BRDT: variants seen among roughly 807,000 people sequenced by gnomAD.
The protein encoded by BRDT is bromodomain testis associated.
In BRDT, 77 loss-of-function variants were observed where a neutral mutation model predicts 113.9. The ratio of observed to expected loss-of-function variants is 0.68; its 90% confidence interval spans 0.56 to 0.82. The LOEUF (loss-of-function observed/expected upper bound fraction) is 0.82, where lower values mean the gene tolerates loss of function less well. Ranked by LOEUF, BRDT falls within the 40% of genes least tolerant of loss-of-function variation. BRDT has a pLI of 0.00. For synonymous variants in BRDT, 358 were observed against 366.5 expected, an observed-to-expected ratio of 0.98 and a Z score of 0.26; for missense variants, 1,027 against 1,105.4, an observed-to-expected ratio of 0.93 and a Z score of 1.01.
chr1:91,997,453 A>G (rs1686450116), intron 15 of BRDT, among the ~76,000 whole-genome samples: 1 of 152,210 alleles, frequency 6.6e-6, no homozygotes, highest in Non-Finnish European at 1.5e-5. Flanking sequence ...TTGAAGGCTC[A>G]TTATAAAGAG....
Position 92,014,316 on chromosome 1 carries a change from A to G in BRDT, c.*42A>G, listed in dbSNP as rs749292759. Reference sequence around the variant, plus strand: ...TAACCATCAACTTAAAATGAATGGTAAAAGATCAAAATGCATATGGTAAAA... The same window carrying G: ...TAACCATCAACTTAAAATGAATGGTGAAAGATCAAAATGCATATGGTAAAA... On this transcript the variant is annotated 3_prime_UTR_variant, in exon 19 of 19. Transcript: ENST00000399546. The G allele has an allele frequency of 1.5e-6, 2 of 1,346,578 alleles. No homozygotes were observed. The highest frequency in any genetic ancestry group is 2.1e-6 in the Non-Finnish European group (2 of 967,236). The allele number at this position is 1,346,578 out of a possible 1,614,324, so 83.4% of individuals were successfully genotyped here.
chr1:91,997,428 GA>G (rs1686447793), intron 15 of BRDT, among the ~76,000 whole-genome samples: 2 of 152,208 alleles, frequency 1.3e-5, no homozygotes, highest in South Asian at 4.1e-4. Context: ...TTTTTAATTG[GA>G]GGGATTTGAA....
intron 1 of BRDT, among the ~76,000 whole-genome samples, chr1:91,961,945 CAGG>C (rs1307138812): frequency 2.6e-5 from 4 of 151,862 alleles, no homozygotes; most frequent in Middle Eastern, 3.4e-3. Context: ...ATCACGAGGT[CAGG>C]AGATCTAGAC....
At chr1:91,982,665 A>G (rs1684828621) in intron 12 of BRDT, among the ~76,000 whole-genome samples, 1 of 152,192 alleles carries the variant, frequency 6.6e-6, no homozygotes, top group Non-Finnish European at 1.5e-5. Context: ...TGGTCTGCTG[A>G]CTTGCAATAC....
At chr1:91,967,793 A>G (rs1028431591) in intron 3 of BRDT, among the ~76,000 whole-genome samples, 6 of 152,234 alleles carry the variant, frequency 3.9e-5, no homozygotes, top group Non-Finnish European at 8.8e-5. Flanking sequence ...CCAGCCTCCA[A>G]AAGTGCTGGG....
At chr1:91,966,013 T>C (rs560039183) in intron 3 of BRDT, among the ~76,000 whole-genome samples, 12 of 152,238 alleles carry the variant, frequency 7.9e-5, no homozygotes, top group African/African-American at 2.6e-4. Flanking sequence ...ATGATATATG[T>C]AGAAATTTTA....
intron 13 of BRDT, among the ~76,000 whole-genome samples, chr1:91,991,740 C>T: frequency 6.6e-6 from 1 of 152,104 alleles, no homozygotes; most frequent in East Asian, 1.9e-4. Context: ...CGCCTGTAAT[C>T]CCAGCACTTT....
chr1:92,000,472 G>A (rs529092552), intron 15 of BRDT, among the ~76,000 whole-genome samples: 1 of 152,304 alleles, frequency 6.6e-6, no homozygotes, highest in East Asian at 1.9e-4. Context: ...TTCTTTGACA[G>A]TGTTTTGTCT....
intron 18 of BRDT, among the ~76,000 whole-genome samples, chr1:92,011,464 T>C (rs1465836102): frequency 6.6e-6 from 1 of 152,210 alleles, no homozygotes; most frequent in Non-Finnish European, 1.5e-5. Context: ...TCGTTAGTAG[T>C]TGACCTAAAG....
rs528200250 is a variant in BRDT, at chr1:92,007,037, C to T, written c.2775+1738C>T. ...CTCCTGAGCTCAGGCAATCCACCCA[C>T]CTTGGCCTCCCAAAGTGTTAGGATG... is the stretch of plus-strand genomic sequence containing the variant. On this transcript the variant is annotated intron_variant, in intron 18 of 18. Coordinates refer to ENST00000399546, the MANE Select transcript of BRDT (RefSeq NM_207189.4). Among the ~76,000 whole-genome samples the T allele has an allele frequency of 4.6e-5, 7 of 152,306 alleles. No individual in the cohort carries two copies. In the South Asian group the frequency reaches 1.4e-3, roughly 32 times the overall value.
chr1:91,963,035 CAT>C (rs1312271808), intron 2 of BRDT, 89 bp downstream of exon 2: 5 of 1,130,158 alleles, frequency 4.4e-6, no homozygotes, highest in African/African-American at 1.6e-5. Flanking sequence ...TATTATAAAA[CAT>C]ATTTGGCCAG....
At chr1:92,011,868 T>C (rs1687826622) in intron 18 of BRDT, among the ~76,000 whole-genome samples, 1 of 152,182 alleles carries the variant, frequency 6.6e-6, no homozygotes, top group Non-Finnish European at 1.5e-5. Context: ...ACTTGACACT[T>C]AGCAGAGTTC....
chr1:92,008,752 T>C (rs1687551855), intron 18 of BRDT, among the ~76,000 whole-genome samples: 1 of 152,226 alleles, frequency 6.6e-6, no homozygotes, highest in Admixed American at 6.5e-5. Context: ...GTTGGGATCA[T>C]GCCCTATGCA....
intron 18 of BRDT, among the ~76,000 whole-genome samples, chr1:92,012,452 CA>C (rs1484376936): frequency 3.9e-5 from 6 of 152,186 alleles, no homozygotes; most frequent in African/African-American, 1.4e-4. Flanking sequence ...AAACAGGTTT[CA>C]TTACATATTC....
At chr1:91,997,417 T>G (rs2101772689) in intron 15 of BRDT, among the ~76,000 whole-genome samples, 1 of 152,076 alleles carries the variant, frequency 6.6e-6, no homozygotes, top group South Asian at 2.1e-4. Flanking sequence ...TTATTTTGAG[T>G]TTTTTAATTG....
At chr1:91,991,322 ATTGTTTTCAATTT>A in intron 13 of BRDT, 77 bp downstream of exon 13, 1 of 712,256 alleles carries the variant, frequency 1.4e-6, no homozygotes. Flanking sequence ...TTTCTTTAAA[ATTGTTTTCAATTT>A]TATTTACACG....
intron 17 of BRDT, 108 bp downstream of exon 17, chr1:92,004,727 C>G (rs2101809140): frequency 2.0e-6 from 2 of 993,572 alleles, no homozygotes; most frequent in South Asian, 4.3e-5. Context: ...TTTAGTAGAA[C>G]ACAGAGCAAA....
At position 92,000,916 on chromosome 1, in the gene BRDT, C is replaced by A. The variant is rs183806527; in HGVS notation, c.2288-1133C>A. ...GGGCTCACACTCTGTAGTTAATCTT[C>A]ACAATAATAATAAATGAAATATTTG... On this transcript the variant is annotated intron_variant, in intron 15 of 18. Coordinates refer to ENST00000399546, the MANE Select transcript of BRDT (RefSeq NM_207189.4). Among the ~76,000 whole-genome samples, 6 of 152,284 alleles carry A rather than the reference C, an allele frequency of 3.9e-5. No homozygotes were observed. The South Asian group carries it at 8.3e-4, about 21-fold the overall frequency.
rs766822773 is a variant in BRDT, at chr1:91,977,319, G to A, written c.895G>A (p.Val299Ile). 18 of 1,613,776 alleles carry A rather than the reference G, an allele frequency of 1.1e-5. No homozygotes were observed. Among genetic ancestry groups the A allele is most frequent in the Non-Finnish European group, 1.4e-5 (17 of 1,179,984 alleles). Residue 299 changes from valine (V) to isoleucine (I), a missense_variant, in exon 6 of 19, where the codon GTT (valine) becomes ATT (isoleucine). Val to Ile is a conservative substitution (Grantham distance 29). Coordinates refer to ENST00000399546, the MANE Select transcript of BRDT (RefSeq NM_207189.4). The stretch of plus-strand genomic sequence containing the variant: ...ATATGCATGGCCCTTTTATAATCCT[G>A]TTGACGTTAATGCTTTGGGACTCCA... Reference protein sequence around the residue: ...FSYAWPFYNPVDVNALGLHNY... With the variant: ...FSYAWPFYNPIDVNALGLHNY...
Sources: allele counts gnomAD v4.1 joint callset (sites outside exome capture counted in the v4.1 genomes callset), GRCh38; gene constraint gnomAD v4.1.1; transcripts MANE v1.5; gene names NCBI Gene and HGNC (gene_info 2026-07-23, HGNC 2026-07-21).